The following FAM169A variants were observed in gnomAD, a reference collection of about 807,000 sequenced individuals.
The protein encoded by FAM169A is soluble lamin-associated protein of 75 kDa.
FAM169A carries 24 observed loss-of-function variants against 75.7 expected under a neutral mutation model. That is an observed-to-expected ratio of 0.32 (90% CI 0.23 to 0.45). The LOEUF (loss-of-function observed/expected upper bound fraction) is 0.45. Ranked by LOEUF, FAM169A falls within the 20% of genes least tolerant of loss-of-function variation. FAM169A has a pLI of 1.00. For synonymous variants in FAM169A, 271 were observed against 271.0 expected, an observed-to-expected ratio of 1.00 and a Z score of 0.00; for missense variants, 673 against 784.0, an observed-to-expected ratio of 0.86 and a Z score of 1.69.
chr5:74,778,547 A>T lies in FAM169A; in HGVS notation c.*2913T>A, dbSNP rs1197548878. On this transcript the variant is annotated 3_prime_UTR_variant, in exon 13 of 13. Coordinates refer to ENST00000687041, the MANE Select transcript of FAM169A (RefSeq NM_001376049.1). The stretch of plus-strand genomic sequence containing the variant: ...CTGAATGGAAATACCATGAATATAG[A>T]CACATTTTAAGTAGAAGACTGACGT... 8.5e-5 allele frequency: 13 copies of T among 152,152 alleles called. No individual in the cohort carries two copies. In the East Asian group the frequency reaches 2.3e-3, roughly 27 times the overall value. The allele number at this position is 152,152 out of a possible 1,614,324, so 9.4% of individuals were successfully genotyped here. A position where few individuals can be genotyped will look rare whatever the true frequency, so the allele number is the denominator to read the frequency against.
At chr5:74,804,094 C>A (rs1183305725) in intron 8 of FAM169A, among the ~76,000 whole-genome samples, 1 of 151,808 alleles carries the variant, frequency 6.6e-6, no homozygotes, top group Admixed American at 6.6e-5. Context: ...TAATGGAGAA[C>A]AGCAGTTAGA....
intron 1 of FAM169A, among the ~76,000 whole-genome samples, chr5:74,858,458 T>C (rs956892795): frequency 1.9e-4 from 29 of 152,182 alleles, no homozygotes; most frequent in African/African-American, 6.8e-4. Context: ...ATGGAGGCTA[T>C]TATCCTAAAG....
chr5:74,824,662 G>GA (rs1306147974), intron 5 of FAM169A, among the ~76,000 whole-genome samples: 69 of 131,588 alleles, frequency 5.2e-4, no homozygotes, highest in East Asian at 3.9e-3. Context: ...TAAGACTTAA[G>GA]AAAAAAAAAA....
In FAM169A at chr5:74,842,420, CAAAAAAAAAAAAAA is replaced by C. The variant is rs56653446; in HGVS notation, c.-3-755_-3-742del. Among the ~76,000 whole-genome samples, 66 of 22,460 alleles carry C rather than the reference CAAAAAAAAAAAAAA, an allele frequency of 2.9e-3. 1 individual carries two copies. The highest frequency in any genetic ancestry group is 0.014 in the South Asian group (4 of 282). The allele number at this position is 22,460 out of a possible 152,430, so 14.7% of individuals were successfully genotyped here. On this transcript the variant is annotated intron_variant, in intron 1 of 12. Transcript: ENST00000687041. ...TGGGTGAAAGAGTGAGACTCTATCACAAAAAAAAAAAAAAAAAAAAAAAAAAAAAAAAAAAATCA... is the reference window on the plus strand; with the variant it reads ...TGGGTGAAAGAGTGAGACTCTATCACAAAAAAAAAAAAAAAAAAAAAATCA...
intron 5 of FAM169A, among the ~76,000 whole-genome samples, chr5:74,816,527 T>TTCAGAAAA (rs1004853651): frequency 6.6e-6 from 1 of 152,188 alleles, no homozygotes; most frequent in African/African-American, 2.4e-5. Context: ...ACATGTTCCT[T>TTCAGAAAA]TCAGAAAATC....
At chr5:74,818,782 T>C (rs1410754570) in intron 5 of FAM169A, among the ~76,000 whole-genome samples, 1 of 133,694 alleles carries the variant, frequency 7.5e-6, no homozygotes, top group Non-Finnish European at 1.6e-5. Context: ...TCTCTCTCTC[T>C]CTCTCTCTCT....
chr5:74,851,156 C>T (rs1183563724), intron 1 of FAM169A, among the ~76,000 whole-genome samples: 1 of 152,168 alleles, frequency 6.6e-6, no homozygotes. Context: ...GTAATTACTC[C>T]TGGTAAGGTG....
At position 74,777,852 on chromosome 5, in the gene FAM169A, A is replaced by AT. The variant is rs1745199868; in HGVS notation, c.*3607dup. 1 of 152,146 alleles carries AT rather than the reference A, an allele frequency of 6.6e-6. No homozygotes were observed. Among genetic ancestry groups the AT allele is most frequent in the East Asian group, 1.9e-4 (1 of 5,180 alleles). The allele number at this position is 152,146 out of a possible 1,614,324, so 9.4% of individuals were successfully genotyped here. A position where few individuals can be genotyped will look rare whatever the true frequency, so the allele number is the denominator to read the frequency against. On this transcript the variant is annotated 3_prime_UTR_variant, in exon 13 of 13. Coordinates refer to ENST00000687041, the MANE Select transcript of FAM169A (RefSeq NM_001376049.1). ...GACTTGCTACTCTGAATAATGTAACATTTTTTCTAAGTTCTATAAATATAT... is the reference window on the plus strand; with the variant it reads ...GACTTGCTACTCTGAATAATGTAACATTTTTTTCTAAGTTCTATAAATATAT...
chr5:74,795,667 C>G (rs1746233942), intron 11 of FAM169A, among the ~76,000 whole-genome samples: 1 of 152,114 alleles, frequency 6.6e-6, no homozygotes, highest in Non-Finnish European at 1.5e-5. Context: ...TTTATTGCAC[C>G]TGAAAGCATT....
chr5:74,811,570 T>C (rs1159230653), intron 6 of FAM169A, among the ~76,000 whole-genome samples: 1 of 152,190 alleles, frequency 6.6e-6, no homozygotes, highest in East Asian at 1.9e-4. Context: ...GTGCAGAAGA[T>C]TTGGAATAAA....
intron 11 of FAM169A, among the ~76,000 whole-genome samples, chr5:74,788,083 T>C (rs1745786297): frequency 6.6e-6 from 1 of 152,114 alleles, no homozygotes; most frequent in Non-Finnish European, 1.5e-5. Context: ...AGGGAAATGA[T>C]CAGACATTTC....
At chr5:74,864,735 T>G (rs1750222592) in intron 1 of FAM169A, among the ~76,000 whole-genome samples, 1 of 152,212 alleles carries the variant, frequency 6.6e-6, no homozygotes, top group Admixed American at 6.5e-5. Flanking sequence ...TAGAGAAAAG[T>G]CCACTATAAT....
chr5:74,801,549 G>A (rs777716713), intron 9 of FAM169A, 41 bp downstream of exon 9: 3 of 1,469,972 alleles, frequency 2.0e-6, no homozygotes, highest in East Asian at 2.3e-5. Flanking sequence ...CTAATTTGAA[G>A]TGTCTCAAAT....
chr5:74,855,940 T>C (rs1386691222), intron 1 of FAM169A, among the ~76,000 whole-genome samples: 3 of 152,234 alleles, frequency 2.0e-5, no homozygotes, highest in African/African-American at 7.2e-5. Context: ...TTTTAATCCA[T>C]TTTGATTTGG....
chr5:74,797,130 C>T (rs1746319672), intron 10 of FAM169A, among the ~76,000 whole-genome samples: 1 of 152,132 alleles, frequency 6.6e-6, no homozygotes, highest in Non-Finnish European at 1.5e-5. Context: ...TCTCTATAAG[C>T]TCAGTGAATA....
chr5:74,818,331 A>T (rs574570970), intron 5 of FAM169A, among the ~76,000 whole-genome samples: 4 of 152,184 alleles, frequency 2.6e-5, no homozygotes, highest in African/African-American at 9.7e-5. Flanking sequence ...ACCCAGCCTG[A>T]AACTAGATTA....
intron 5 of FAM169A, among the ~76,000 whole-genome samples, chr5:74,827,588 T>C (rs1428642416): frequency 6.6e-6 from 1 of 151,846 alleles, no homozygotes; most frequent in Non-Finnish European, 1.5e-5. Flanking sequence ...AAAACACATA[T>C]ATCGGGAAAA....
At chr5:74,805,972 G>A (rs1746856541) in intron 6 of FAM169A, among the ~76,000 whole-genome samples, 2 of 96,362 alleles carry the variant, frequency 2.1e-5, no homozygotes, top group Admixed American at 1.2e-4. Flanking sequence ...GAATTTAAAA[G>A]CTCCAAAAAA....
At chr5:74,836,818 C>T (rs1037535195) in intron 4 of FAM169A, among the ~76,000 whole-genome samples, 1 of 152,018 alleles carries the variant, frequency 6.6e-6, no homozygotes, top group African/African-American at 2.4e-5. Flanking sequence ...CAAGGTGGCA[C>T]ACACCTGTAG....
Sources: gnomAD v4.1 joint callset for allele counts (sites outside exome capture counted in the v4.1 genomes callset) on GRCh38, gnomAD v4.1.1 for gene constraint, MANE v1.5 for transcripts, NCBI Gene and HGNC (gene_info 2026-07-23, HGNC 2026-07-21) for gene names.